Variants in SPAG9 observed in about 807,000 individuals in gnomAD.
SPAG9 encodes C-Jun-amino-terminal kinase-interacting protein 4.
Under a neutral mutation model 166.5 loss-of-function variants are expected in SPAG9, and 35 were observed. That is an observed-to-expected ratio of 0.21 (90% confidence interval 0.16 to 0.28). The LOEUF is 0.28. Ranked by LOEUF, SPAG9 falls within the 10% of genes least tolerant of loss-of-function variation. The pLI, the probability that SPAG9 is intolerant of heterozygous loss-of-function variation, is 1.00. For missense variants in SPAG9, 1,235 were observed against 1,603.3 expected, an observed-to-expected ratio of 0.77 and a Z score of 3.92; for synonymous variants, 534 against 565.5, an observed-to-expected ratio of 0.94 and a Z score of 0.79.
At chr17:51,046,552 A>G in intron 4 of SPAG9, 1 of 1,536,230 alleles carries the variant, frequency 6.5e-7, no homozygotes, top group Non-Finnish European at 8.7e-7. Context: ...GTAGAAATAG[A>G]AAAGTGCACA....
chr17:51,062,911 C>A (rs2047558253), intron 2 of SPAG9, among the ~76,000 whole-genome samples: 1 of 152,080 alleles, frequency 6.6e-6, no homozygotes, highest in Non-Finnish European at 1.5e-5. Context: ...TTTTCCTGGA[C>A]AAACAGTTTA....
intron 1 of SPAG9, among the ~76,000 whole-genome samples, chr17:51,111,367 TA>T (rs918507016): frequency 7.2e-5 from 11 of 152,218 alleles, no homozygotes; most frequent in Non-Finnish European, 1.5e-4. Flanking sequence ...GGGTAGGTTC[TA>T]ACATCAGTTC....
At chr17:51,032,693 T>C (rs2046426539) in intron 5 of SPAG9, among the ~76,000 whole-genome samples, 1 of 152,020 alleles carries the variant, frequency 6.6e-6, no homozygotes, top group East Asian at 1.9e-4. Flanking sequence ...CCCAGCACTT[T>C]GGGAGGCTAA....
chr17:51,056,680 G>A (rs1203410845), intron 2 of SPAG9, among the ~76,000 whole-genome samples, 198 bp from the exon 3 acceptor site: 1 of 152,018 alleles, frequency 6.6e-6, no homozygotes, highest in Non-Finnish European at 1.5e-5. Flanking sequence ...GAATACCTTA[G>A]ATTGGTTCTC....
chr17:50,997,041 G>A (rs933741758), intron 15 of SPAG9, among the ~76,000 whole-genome samples: 24 of 152,240 alleles, frequency 1.6e-4, no homozygotes, highest in African/African-American at 5.3e-4. Flanking sequence ...TTGGGAGGCT[G>A]AGGCAGGAGA....
Position 50,966,226 on chromosome 17 carries a change from CATGCAG to C in SPAG9, c.*40_*45del. ...ATAAAAGGATAGAGGGAAAATAAAC[CATGCAG>C]AAGAGACGGCTTCCCCATCTCCACC... On this transcript the variant is annotated 3_prime_UTR_variant, in exon 30 of 30. Coordinates refer to ENST00000262013, the MANE Select transcript of SPAG9 (RefSeq NM_001130528.3). 9.0e-7 allele frequency: 1 copy of C among 1,107,732 alleles called. No individual in the cohort carries two copies. Among genetic ancestry groups the C allele is most frequent in the East Asian group, 2.4e-5 (1 of 42,458 alleles). 68.6% of individuals were successfully genotyped at this position (1,107,732 alleles called of 1,614,324 possible). A position where few individuals can be genotyped will look rare whatever the true frequency, so the allele number is the denominator to read the frequency against.
chr17:50,992,373 G>C (rs57935891), intron 19 of SPAG9, among the ~76,000 whole-genome samples: 7 of 152,156 alleles, frequency 4.6e-5, no homozygotes, highest in East Asian at 1.9e-4. Context: ...CTACCTAGAG[G>C]ATAATGTATT....
chr17:51,099,859 G>A (rs1368923928), intron 1 of SPAG9, among the ~76,000 whole-genome samples: 2 of 151,250 alleles, frequency 1.3e-5, no homozygotes, highest in Non-Finnish European at 2.9e-5. Flanking sequence ...CAGCACTTTG[G>A]GAGGCCGAGA....
chr17:51,108,012 C>A (rs138924650), intron 1 of SPAG9, among the ~76,000 whole-genome samples: 1 of 150,974 alleles, frequency 6.6e-6, no homozygotes, highest in African/African-American at 2.4e-5. Flanking sequence ...AAAAGAATTT[C>A]TCAGGCTCTA....
intron 1 of SPAG9, among the ~76,000 whole-genome samples, chr17:51,102,379 G>C (rs1306217349): frequency 1.3e-5 from 2 of 150,844 alleles, no homozygotes; most frequent in Non-Finnish European, 1.5e-5. Flanking sequence ...ACTCCAGCCT[G>C]GGTGACAGTG....
chr17:50,974,741 G>A (rs755577522), intron 28 of SPAG9, 30 bp downstream of exon 28: 1 of 1,550,714 alleles, frequency 6.4e-7, no homozygotes, highest in South Asian at 1.2e-5. Flanking sequence ...ACAATTACAT[G>A]GAACATCTCA....
chr17:51,047,598 G>T (rs2047062446), intron 3 of SPAG9, 129 bp from the exon 4 acceptor site: 4 of 353,738 alleles, frequency 1.1e-5, no homozygotes, highest in African/African-American at 2.2e-5. Flanking sequence ...CCAAGTAAGA[G>T]AATATTAAGG....
At chr17:50,991,054 G>A (rs961719350) in intron 19 of SPAG9, among the ~76,000 whole-genome samples, 5 of 151,840 alleles carry the variant, frequency 3.3e-5, no homozygotes, top group South Asian at 2.1e-4. Context: ...CTACCGGTGT[G>A]AGCCACCACG....
intron 19 of SPAG9, among the ~76,000 whole-genome samples, chr17:50,992,473 C>A (rs879609339): frequency 1.8e-4 from 27 of 152,090 alleles, no homozygotes; most frequent in Non-Finnish European, 3.5e-4. Flanking sequence ...GAGTTCCAGA[C>A]CAGCCTGGGC....
intron 29 of SPAG9, among the ~76,000 whole-genome samples, chr17:50,968,505 T>C (rs1597868377): frequency 6.6e-6 from 1 of 151,976 alleles, no homozygotes; most frequent in Non-Finnish European, 1.5e-5. Context: ...CTGAGGCAGG[T>C]GGACTGTTTG....
chr17:51,048,376 G>C (rs527421709), intron 3 of SPAG9, among the ~76,000 whole-genome samples: 1 of 151,730 alleles, frequency 6.6e-6, no homozygotes, highest in African/African-American at 2.4e-5. Context: ...TAGTGTGTTA[G>C]TATTTAAAGG....
intron 1 of SPAG9, among the ~76,000 whole-genome samples, chr17:51,118,001 G>A (rs2049343495): frequency 6.6e-6 from 1 of 151,448 alleles, no homozygotes; most frequent in South Asian, 2.1e-4. Flanking sequence ...CATATTAGCT[G>A]GGCGGGGTGG....
chr17:51,039,480 C>G (rs907119513), intron 5 of SPAG9, among the ~76,000 whole-genome samples: 1 of 152,156 alleles, frequency 6.6e-6, no homozygotes, highest in African/African-American at 2.4e-5. Context: ...AAGCACCACC[C>G]CATTCCTGGA....
chr17:51,102,662 C>T (rs887653706), intron 1 of SPAG9, among the ~76,000 whole-genome samples: 2 of 151,946 alleles, frequency 1.3e-5, no homozygotes, highest in African/African-American at 2.4e-5. Flanking sequence ...ACCACCACAC[C>T]TGGCTAATTT....
Sources: allele counts gnomAD v4.1 joint callset (sites outside exome capture counted in the v4.1 genomes callset), GRCh38; gene constraint gnomAD v4.1.1; transcripts MANE v1.5; gene names NCBI Gene and HGNC (gene_info 2026-07-23, HGNC 2026-07-21).